AUH: variants seen among roughly 807,000 people sequenced by gnomAD.
AUH encodes AU RNA binding methylglutaconyl-CoA hydratase, also known as methylglutaconyl-CoA hydratase, mitochondrial.
Under a neutral mutation model 42.3 loss-of-function variants are expected in AUH, and 29 were observed. The ratio of observed to expected loss-of-function variants is 0.69; its 90% CI spans 0.51 to 0.93. The LOEUF is 0.93. AUH is among the 40% of genes least tolerant of loss of function. The pLI is 0.00. For synonymous variants in AUH, 174 were observed against 166.4 expected (o/e 1.05, Z -0.35); for missense variants, 452 against 438.1 (o/e 1.03, Z -0.28).
chr9:91,314,890 C>T (rs1265725380), intron 4 of AUH, among the ~76,000 whole-genome samples: 2 of 152,230 alleles, frequency 1.3e-5, no homozygotes, highest in African/African-American at 4.8e-5. Flanking sequence ...TCTGGCCCAT[C>T]TACAGAGGAG....
At chr9:91,314,950 G>C (rs1207767769) in intron 4 of AUH, among the ~76,000 whole-genome samples, 1 of 152,202 alleles carries the variant, frequency 6.6e-6, no homozygotes, top group Non-Finnish European at 1.5e-5. Flanking sequence ...TTGAGACGGA[G>C]TCTCACTCTG....
chr9:91,295,015 A>C (rs371192953), intron 6 of AUH, among the ~76,000 whole-genome samples: 1 of 152,284 alleles, frequency 6.6e-6, no homozygotes, highest in South Asian at 2.1e-4. Context: ...AGATCACTGA[A>C]CCATGGAGGC....
intron 4 of AUH, among the ~76,000 whole-genome samples, chr9:91,321,487 C>T (rs772021766): frequency 6.6e-6 from 1 of 151,970 alleles, no homozygotes; most frequent in Non-Finnish European, 1.5e-5. Context: ...AAGCGAAGAC[C>T]TTAAAATTAA....
At chr9:91,274,574 A>C (rs566296588) in intron 6 of AUH, among the ~76,000 whole-genome samples, 1 of 152,372 alleles carries the variant, frequency 6.6e-6, no homozygotes, top group South Asian at 2.1e-4. Context: ...TTAGCAAAAA[A>C]TGTATAACTG....
intron 3 of AUH, among the ~76,000 whole-genome samples, chr9:91,345,925 A>G (rs1020054279): frequency 6.6e-6 from 1 of 152,040 alleles, no homozygotes; most frequent in Non-Finnish European, 1.5e-5. Flanking sequence ...AAATAATGTA[A>G]TGGGGGAAAA....
chr9:91,328,514 A>G (rs1237267486), intron 3 of AUH, among the ~76,000 whole-genome samples: 2 of 152,212 alleles, frequency 1.3e-5, no homozygotes, highest in Non-Finnish European at 2.9e-5. Context: ...TAAAGAGGGT[A>G]TAAAAGCCGT....
chr9:91,215,223 A>AT (rs916350659), intron 9 of AUH, among the ~76,000 whole-genome samples: 18 of 150,038 alleles, frequency 1.2e-4, no homozygotes, highest in East Asian at 7.8e-4. Context: ...AAGGGAAAAC[A>AT]TTTTTTTTTT....
intron 1 of AUH, among the ~76,000 whole-genome samples, chr9:91,359,146 T>C (rs1374598074): frequency 6.6e-6 from 1 of 152,242 alleles, no homozygotes; most frequent in East Asian, 1.9e-4. Flanking sequence ...AATCCTGCTC[T>C]ATAAAGCTCA....
At chr9:91,306,572 C>A (rs1828239415) in intron 4 of AUH, among the ~76,000 whole-genome samples, 3 of 152,222 alleles carry the variant, frequency 2.0e-5, no homozygotes, top group South Asian at 4.1e-4. Context: ...GCAGGATTAG[C>A]ATCACCTGTA....
At chr9:91,298,368 C>T (rs1297339045) in intron 4 of AUH, among the ~76,000 whole-genome samples, 1 of 152,156 alleles carries the variant, frequency 6.6e-6, no homozygotes, top group African/African-American at 2.4e-5. Flanking sequence ...CACAGTTCTA[C>T]GATTTCTTAA....
At position 91,361,838 on chromosome 9, in the gene AUH, C is replaced by T; in HGVS notation, c.52G>A (p.Gly18Ser). The change falls in exon 1 of 10, where the codon GGC becomes AGC. Residue 18 changes from glycine to serine, a missense_variant. Coordinates refer to ENST00000375731, the MANE Select transcript of AUH (RefSeq NM_001698.3). The stretch of plus-strand genomic sequence containing the variant: ...CAAGCGGCCACCAGGCGGGCGCCGC[C>T]AGCATGCAGGGATCCCAAGGCCCCA... ...APGALGSLHA[G>S]GARLVAACSA... 6.7e-7 allele frequency: 1 copy of T among 1,498,798 alleles called. No individual in the cohort carries two copies. The highest frequency in any genetic ancestry group is 8.9e-7 in the Non-Finnish European group (1 of 1,129,762). 92.8% of individuals were successfully genotyped at this position (1,498,798 alleles called of 1,614,324 possible).
chr9:91,289,797 G>C (rs1057057857), intron 6 of AUH, among the ~76,000 whole-genome samples: 7 of 152,134 alleles, frequency 4.6e-5, no homozygotes, highest in Non-Finnish European at 8.8e-5. Flanking sequence ...AGCAGAAGAA[G>C]ATTTTTCTAC....
At chr9:91,215,226 T>G (rs969180378) in intron 9 of AUH, among the ~76,000 whole-genome samples, 1 of 152,210 alleles carries the variant, frequency 6.6e-6, no homozygotes, top group Non-Finnish European at 1.5e-5. Flanking sequence ...GGAAAACATT[T>G]TTTTTTTCCT....
At position 91,361,797 on chromosome 9, in the gene AUH, G is replaced by A. The variant is rs1832886268; in HGVS notation, c.93C>T (p.Cys31=). Residue 31 remains cysteine, a synonymous_variant, in exon 1 of 10, where the codon TGC becomes TGT. Transcript: ENST00000375731. The stretch of plus-strand genomic sequence containing the variant: ...ACGAGCCGGGCAGCCTCAACCCCGG[G>A]CAGAGCCACGCACTGCAAGCGGCCA... The part of the protein sequence containing the change: ...RLVAACSAWL[C]PGLRLPGSLA... 6.5e-7 allele frequency: 1 copy of A among 1,535,682 alleles called. No individual in the cohort carries two copies. Among genetic ancestry groups the A allele is most frequent in the Non-Finnish European group, 8.7e-7 (1 of 1,143,884 alleles).
At chr9:91,230,557 CAA>C (rs1827810254) in intron 6 of AUH, among the ~76,000 whole-genome samples, 1 of 152,232 alleles carries the variant, frequency 6.6e-6, no homozygotes, top group South Asian at 2.1e-4. Context: ...CTCAGCTCGT[CAA>C]AGTCATTCTC....
chr9:91,245,831 C>A (rs1432337605), intron 6 of AUH, among the ~76,000 whole-genome samples: 1 of 152,122 alleles, frequency 6.6e-6, no homozygotes, highest in Non-Finnish European at 1.5e-5. Context: ...CCCCTGTGTT[C>A]TAGAGGGAGT....
At chr9:91,219,116 G>A (rs375072215) in intron 7 of AUH, among the ~76,000 whole-genome samples, 45 of 152,334 alleles carry the variant, frequency 3.0e-4, no homozygotes, top group African/African-American at 1.1e-3. Flanking sequence ...GCAGAGGAGA[G>A]GACAGTGCTC....
intron 3 of AUH, among the ~76,000 whole-genome samples, chr9:91,348,747 A>G (rs191287455): frequency 7.9e-5 from 12 of 152,292 alleles, no homozygotes; most frequent in African/African-American, 2.4e-4. Context: ...AGATCAGGGC[A>G]AGGGAAGGGG....
chr9:91,305,855 C>T (rs1167358154), intron 4 of AUH, among the ~76,000 whole-genome samples: 1 of 152,186 alleles, frequency 6.6e-6, no homozygotes, highest in Non-Finnish European at 1.5e-5. Flanking sequence ...TTAACCATTA[C>T]TGCCTATCAC....
Sources: gnomAD v4.1 joint callset for allele counts (sites outside exome capture counted in the v4.1 genomes callset) on GRCh38, gnomAD v4.1.1 for gene constraint, MANE v1.5 for transcripts, NCBI Gene and HGNC (gene_info 2026-07-23, HGNC 2026-07-21) for gene names.